Variants in CEBPZOS observed in about 807,000 individuals in gnomAD.
CEBPZOS encodes CEBPZ opposite strand.
CEBPZOS carries 10 observed loss-of-function variants against 4.8 expected under a neutral mutation model. The ratio of observed to expected loss-of-function variants is 2.07; its 90% confidence interval spans 1.28 to 3.52. The LOEUF (loss-of-function observed/expected upper bound fraction) is 3.52, where lower values mean the gene tolerates loss of function less well. Among genes scored for constraint, CEBPZOS ranks in the 30% most tolerant of loss-of-function variants. The probability of loss-of-function intolerance (pLI) is 0.00; values close to 1 mark genes in which losing one functional copy is unlikely to be tolerated. For synonymous variants in CEBPZOS, 25 were observed against 14.2 expected, an observed-to-expected ratio of 1.77 and a Z score of -1.72; for missense variants, 98 against 43.6, an observed-to-expected ratio of 2.25 and a Z score of -3.51.
downstream of CEBPZOS, chr2:37,213,842 AAG>A: frequency 6.6e-7 from 1 of 1,512,198 alleles, no homozygotes; most frequent in South Asian, 1.1e-5. Flanking sequence ...TTATTTTACA[AAG>A]AGTCAACAAA....
At chr2:37,210,884 C>G in intron 4 of CEBPZOS, 66 of 414,232 alleles carry the variant, frequency 1.6e-4, no homozygotes, top group East Asian at 3.4e-4. Flanking sequence ...TTAAAAAGAA[C>G]CCCCCCCACC....
chr2:37,196,904 C>T (rs1028983586), intron 1 of CEBPZOS, among the ~76,000 whole-genome samples: 3 of 152,198 alleles, frequency 2.0e-5, no homozygotes, highest in Admixed American at 6.5e-5. Context: ...GAAAAGTCGT[C>T]CTCTGCACAG....
chr2:37,201,455 A>G, intron 3 of CEBPZOS, 187 bp from the exon 4 acceptor site: 1 of 550,114 alleles, frequency 1.8e-6, no homozygotes, highest in Non-Finnish European at 3.2e-6. Flanking sequence ...TCATGTAGTT[A>G]GACGAAATAG....
downstream of CEBPZOS, chr2:37,214,816 A>T: frequency 2.2e-6 from 2 of 919,844 alleles, no homozygotes; most frequent in Admixed American, 2.0e-5. Flanking sequence ...CATAAAATGA[A>T]GCATTTTATG....
downstream of CEBPZOS, chr2:37,213,854 A>C: frequency 6.3e-7 from 1 of 1,576,746 alleles, no homozygotes; most frequent in Non-Finnish European, 8.7e-7. Flanking sequence ...GAGTCAACAA[A>C]ACAAATTACC....
rs145220097 is a variant in CEBPZOS at position 37,202,286 on chromosome 2, T to G, written c.*426T>G. On this transcript the variant is annotated 3_prime_UTR_variant, in exon 5 of 5. Transcript: ENST00000402297. ...TCTAAATACTTGTTAATCTTACATG[T>G]TCTCCTGAGAGAAGAAAAAGCCATT... is the stretch of plus-strand genomic sequence containing the variant. The G allele has an allele frequency of 2.0e-3, 319 of 163,212 alleles. No individual in the cohort carries two copies. Among genetic ancestry groups the G allele is most frequent in the African/African-American group, 6.9e-3 (287 of 41,790 alleles). The allele number at this position is 163,212 out of a possible 1,614,324, so 10.1% of individuals were successfully genotyped here. A position where few individuals can be genotyped will look rare whatever the true frequency, so the allele number is the denominator to read the frequency against.
exon 5 of CEBPZOS, chr2:37,213,644 C>T (rs1048363154): frequency 4.8e-6 from 2 of 415,874 alleles, no homozygotes; most frequent in African/African-American, 2.2e-5. Flanking sequence ...GAACTCCTGA[C>T]CTCAAACAAT....
chr2:37,211,049 T>TG (rs1337095587), intron 4 of CEBPZOS: 24 of 1,612,222 alleles, frequency 1.5e-5, no homozygotes, highest in Non-Finnish European at 1.7e-5. Flanking sequence ...TCTCTTGCTT[T>TG]TCTTAGTACT....
chr2:37,201,361 A>C, intron 3 of CEBPZOS: 2 of 496,108 alleles, frequency 4.0e-6, no homozygotes, highest in Middle Eastern at 5.4e-4. Flanking sequence ...TTTGGTTTTA[A>C]AAGATCAGTT....
At chr2:37,200,861 G>T (rs536886423) in intron 2 of CEBPZOS, among the ~76,000 whole-genome samples, 187 bp from the exon 3 acceptor site, 96 of 152,168 alleles carry the variant, frequency 6.3e-4, no homozygotes, top group Admixed American at 1.1e-3. Context: ...TGGGCAACAG[G>T]GAGAGAGATC....
chr2:37,215,843 G>A (rs2148353912), downstream of CEBPZOS, among the ~76,000 whole-genome samples: 1 of 152,058 alleles, frequency 6.6e-6, no homozygotes, highest in East Asian at 1.9e-4. Flanking sequence ...TGAAGCTACG[G>A]ATGATAAAAT....
At chr2:37,210,910 T>A in intron 4 of CEBPZOS, 1 of 740,880 alleles carries the variant, frequency 1.3e-6, no homozygotes, top group Non-Finnish European at 2.0e-6. Flanking sequence ...ATTTTATTAA[T>A]CAAATTTAGG....
rs1249755046 is a variant in CEBPZOS at position 37,201,626 on chromosome 2, CTATTTT to C, written c.161-10_161-5del. The C allele has an allele frequency of 2.9e-6, 2 of 698,550 alleles. No individual in the cohort carries two copies. The highest frequency in any genetic ancestry group is 3.6e-5 in the African/African-American group (2 of 55,174). 43.3% of individuals were successfully genotyped at this position (698,550 alleles called of 1,614,324 possible). A position where few individuals can be genotyped will look rare whatever the true frequency, so the allele number is the denominator to read the frequency against. ...TTCCACATGACTTTATAAATGAGAG[CTATTTT>C]TATTTATAGTTTATTACAAATCCAC... On this transcript the variant is annotated splice_polypyrimidine_tract_variant and intron_variant, in intron 3 of 4. Coordinates refer to ENST00000402297, the MANE Select transcript of CEBPZOS (RefSeq NM_001322374.2).
intron 4 of CEBPZOS, chr2:37,212,077 G>A: frequency 2.0e-6 from 3 of 1,531,166 alleles, no homozygotes; most frequent in African/African-American, 2.8e-5. Flanking sequence ...AGAGGAGGCA[G>A]TATTTTCTAA....
downstream of CEBPZOS, chr2:37,216,160 T>C: frequency 1.2e-6 from 2 of 1,612,506 alleles, no homozygotes; most frequent in Non-Finnish European, 1.7e-6. Context: ...ACGAATATCC[T>C]TAATAAAATG....
At chr2:37,214,069 G>C, downstream of CEBPZOS, 1 of 511,742 alleles carries the variant, frequency 2.0e-6, no homozygotes, top group Non-Finnish European at 3.3e-6. Context: ...AAAATCTTAA[G>C]TATACTCAAT....
Position 37,203,342 on chromosome 2 carries a change from A to G in CEBPZOS, c.*1482A>G, listed in dbSNP as rs1182988022. On this transcript the variant is annotated 3_prime_UTR_variant, in exon 5 of 5. Transcript: ENST00000402297. ...CAGTTTGACATGGATGGGTTTTGAAATACTTAAGACACAACATAAAATTTA... is the reference window on the plus strand; with the variant it reads ...CAGTTTGACATGGATGGGTTTTGAAGTACTTAAGACACAACATAAAATTTA... 1 of 167,830 alleles carries G rather than the reference A, an allele frequency of 6.0e-6. No homozygotes were observed. Among genetic ancestry groups the G allele is most frequent in the Non-Finnish European group, 1.3e-5 (1 of 78,952 alleles). The allele number at this position is 167,830 out of a possible 1,614,324, so 10.4% of individuals were successfully genotyped here. A position where few individuals can be genotyped will look rare whatever the true frequency, so the allele number is the denominator to read the frequency against.
downstream of CEBPZOS, among the ~76,000 whole-genome samples, chr2:37,215,879 T>C (rs1347526300): frequency 6.6e-6 from 1 of 151,060 alleles, no homozygotes; most frequent in Middle Eastern, 3.2e-3. Flanking sequence ...AGCTGGGTGA[T>C]GGTAATGGGG....
chr2:37,202,697 A>T lies in CEBPZOS; in HGVS notation c.*837A>T. 7.3e-6 allele frequency: 2 copies of T among 274,644 alleles called. No homozygotes were observed. The highest frequency in any genetic ancestry group is 6.1e-5 in the South Asian group (1 of 16,308). The allele number at this position is 274,644 out of a possible 1,614,324, so 17.0% of individuals were successfully genotyped here. A position where few individuals can be genotyped will look rare whatever the true frequency, so the allele number is the denominator to read the frequency against. ...AAAAAAAAAAAAAAAAAAAAAGAAT[A>T]AATAAAATAACGAAAATTTCCTATC... On this transcript the variant is annotated 3_prime_UTR_variant, in exon 5 of 5. Coordinates refer to ENST00000402297, the MANE Select transcript of CEBPZOS (RefSeq NM_001322374.2).
Sources: allele counts gnomAD v4.1 joint callset (sites outside exome capture counted in the v4.1 genomes callset), GRCh38; gene constraint gnomAD v4.1.1; transcripts MANE v1.5; gene names NCBI Gene and HGNC (gene_info 2026-07-23, HGNC 2026-07-21).